ANP32B: variants seen among roughly 807,000 people sequenced by gnomAD.
The protein encoded by ANP32B is acidic nuclear phosphoprotein 32 family member B, also known as acidic leucine-rich nuclear phosphoprotein 32 family member B.
ANP32B carries 6 observed loss-of-function variants against 32.2 expected under a neutral mutation model. The ratio of observed to expected loss-of-function variants is 0.19; its 90% CI spans 0.10 to 0.37. ANP32B has a LOEUF of 0.37. Among genes scored for constraint, ANP32B ranks in the 10% least tolerant of loss-of-function variants. The probability of loss-of-function intolerance (pLI) is 1.00; values close to 1 mark genes in which losing one functional copy is unlikely to be tolerated. For missense variants in ANP32B, 204 were observed against 289.2 expected, an observed-to-expected ratio of 0.71 and a Z score of 2.14; for synonymous variants, 98 against 105.8, an observed-to-expected ratio of 0.93 and a Z score of 0.45.
chr9:98,007,839 G>T (rs1828113150), intron 4 of ANP32B, among the ~76,000 whole-genome samples: 2 of 152,158 alleles, frequency 1.3e-5, no homozygotes, highest in African/African-American at 2.4e-5. Flanking sequence ...TGTTCACGCA[G>T]TTCTGTGAGA....
chr9:97,987,142 A>G (rs1827749815), intron 1 of ANP32B, among the ~76,000 whole-genome samples: 1 of 152,176 alleles, frequency 6.6e-6, no homozygotes, highest in Non-Finnish European at 1.5e-5. Flanking sequence ...CATTTCCCTA[A>G]GGGATGGGGG....
chr9:98,015,622 C>T lies in ANP32B; in HGVS notation c.*191C>T, dbSNP rs545208005. On this transcript the variant is annotated 3_prime_UTR_variant, in exon 7 of 7. Transcript: ENST00000339399. ...CATGTAGTCCCTCTTGGTAATCTAC[C>T]ACCAAGCTTGTGGACTTCACCCCAA... The T allele has an allele frequency of 1.4e-4, 187 of 1,304,104 alleles. No individual in the cohort carries two copies. Among genetic ancestry groups the T allele is most frequent in the Non-Finnish European group, 1.8e-4 (179 of 1,018,524 alleles). 80.8% of individuals were successfully genotyped at this position (1,304,104 alleles called of 1,614,324 possible).
At chr9:97,996,756 G>A (rs959025600) in intron 2 of ANP32B, among the ~76,000 whole-genome samples, 1 of 151,960 alleles carries the variant, frequency 6.6e-6, no homozygotes, top group Admixed American at 6.5e-5. Flanking sequence ...ACCACGCCTG[G>A]CTACTTTTTG....
chr9:98,008,392 C>T (rs1202090144), intron 4 of ANP32B, among the ~76,000 whole-genome samples: 1 of 152,174 alleles, frequency 6.6e-6, no homozygotes, highest in South Asian at 2.1e-4. Context: ...AAAAGACCCC[C>T]GAACTGGGAA....
At chr9:97,987,868 A>G (rs1369428369) in intron 1 of ANP32B, among the ~76,000 whole-genome samples, 3 of 152,062 alleles carry the variant, frequency 2.0e-5, no homozygotes, top group Admixed American at 6.5e-5. Context: ...CTGTGATGTA[A>G]TTTTGAGCTC....
chr9:97,999,487 T>C (rs1827955922), intron 3 of ANP32B, among the ~76,000 whole-genome samples: 2 of 152,174 alleles, frequency 1.3e-5, no homozygotes, highest in African/African-American at 4.8e-5. Flanking sequence ...GCCTAGAGTT[T>C]TGCATGGAAA....
At chr9:97,998,492 C>G in intron 2 of ANP32B, 64 bp from the exon 3 acceptor site, 18 of 1,515,014 alleles carry the variant, frequency 1.2e-5, no homozygotes, top group Non-Finnish European at 1.6e-5. Flanking sequence ...ACTTACAATA[C>G]CTTAAATGAT....
chr9:97,997,108 A>G lies in ANP32B; in HGVS notation c.205-1448A>G, dbSNP rs147835460. ...GATGTGGATGTTACATGTGTATGTG[A>G]TATTCTAACCACAGGGTCTAAAACA... On this transcript the variant is annotated intron_variant, in intron 2 of 6. Transcript: ENST00000339399. 7.2e-4 allele frequency among the ~76,000 whole-genome samples: 110 copies of G among 152,346 alleles called. 1 individual carries two copies. The highest frequency in any genetic ancestry group is 2.5e-3 in the African/African-American group (104 of 41,580).
intron 2 of ANP32B, among the ~76,000 whole-genome samples, chr9:97,995,257 T>G (rs1343908648): frequency 6.6e-6 from 1 of 152,168 alleles, no homozygotes; most frequent in Non-Finnish European, 1.5e-5. Flanking sequence ...CCCAACCCCT[T>G]ATTTTATAGG....
chr9:97,986,113 C>G (rs1316964532), intron 1 of ANP32B, among the ~76,000 whole-genome samples: 1 of 152,168 alleles, frequency 6.6e-6, no homozygotes, highest in Non-Finnish European at 1.5e-5. Flanking sequence ...GAGCCACCGC[C>G]CCCGGCCACC....
intron 3 of ANP32B, among the ~76,000 whole-genome samples, chr9:97,999,902 T>A (rs924331110): frequency 6.6e-6 from 1 of 152,164 alleles, no homozygotes; most frequent in Non-Finnish European, 1.5e-5. Context: ...GAACAGACAC[T>A]AGAGGGTAAG....
At chr9:98,010,930 A>G (rs1018377216) in intron 4 of ANP32B, among the ~76,000 whole-genome samples, 1 of 152,074 alleles carries the variant, frequency 6.6e-6, no homozygotes. Context: ...TGTTCTTATC[A>G]CTCAGCTTCA....
rs1347896543 is a variant in ANP32B at position 98,010,188 on chromosome 9, GA to G, written c.518-1079del. Reference sequence around the variant, plus strand: ...CATTTCCTATGTGCCAGGCACTGCGGAAAATAGTGGTTTAAAAAAAAAAGGA... The same window carrying G: ...CATTTCCTATGTGCCAGGCACTGCGGAAATAGTGGTTTAAAAAAAAAAGGA... On this transcript the variant is annotated intron_variant, in intron 4 of 6. Transcript: ENST00000339399. 7.9e-5 allele frequency among the ~76,000 whole-genome samples: 12 copies of G among 151,054 alleles called. No individual in the cohort carries two copies. The South Asian group carries it at 2.1e-3, about 26-fold the overall frequency.
At chr9:97,987,537 T>G (rs1302867375) in intron 1 of ANP32B, 1 of 152,232 alleles carries the variant, frequency 6.6e-6, no homozygotes, top group Non-Finnish European at 1.5e-5. Context: ...TTATGTGAGA[T>G]TCTTATCCTT....
At position 97,999,498 on chromosome 9, in the gene ANP32B, C is replaced by T. The variant is rs986298079; in HGVS notation, c.327+820C>T. On this transcript the variant is annotated intron_variant, in intron 3 of 6. Coordinates refer to ENST00000339399, the MANE Select transcript of ANP32B (RefSeq NM_006401.3). The stretch of plus-strand genomic sequence containing the variant: ...AGTTGCCTAGAGTTTTGCATGGAAA[C>T]GCCAAGATCCTCCTCAGTCTTACAT... Among the ~76,000 whole-genome samples the T allele has an allele frequency of 5.3e-5, 8 of 152,182 alleles. No individual in the cohort carries two copies. The South Asian group carries it at 6.2e-4, about 12-fold the overall frequency.
At chr9:98,013,149 A>G (rs963380587) in intron 6 of ANP32B, among the ~76,000 whole-genome samples, 15 of 152,208 alleles carry the variant, frequency 9.9e-5, no homozygotes, top group South Asian at 2.1e-4. Context: ...CAGCCTCCTC[A>G]GTAGCTGGGA....
intron 2 of ANP32B, among the ~76,000 whole-genome samples, chr9:97,995,251 ACCCCT>A (rs1326480832): frequency 6.6e-6 from 1 of 152,004 alleles, no homozygotes; most frequent in Non-Finnish European, 1.5e-5. Flanking sequence ...CTCTAACCCA[ACCCCT>A]TATTTTATAG....
At chr9:98,015,331 A>G in intron 6 of ANP32B, 33 bp from the exon 7 acceptor site, 1 of 1,547,980 alleles carries the variant, frequency 6.5e-7, no homozygotes, top group Non-Finnish European at 8.7e-7. Flanking sequence ...ATGCCTTTCC[A>G]CTGTCCTAAA....
chr9:97,983,963 C>T (rs1827649158), intron 1 of ANP32B, among the ~76,000 whole-genome samples: 1 of 151,060 alleles, frequency 6.6e-6, no homozygotes, highest in African/African-American at 2.4e-5. Context: ...TTGCAGCCTC[C>T]CGGGATGCGC....
Sources: allele counts gnomAD v4.1 joint callset (sites outside exome capture counted in the v4.1 genomes callset), GRCh38; gene constraint gnomAD v4.1.1; transcripts MANE v1.5; gene names NCBI Gene and HGNC (gene_info 2026-07-23, HGNC 2026-07-21).